Variants in RAB3C observed in about 807,000 individuals in gnomAD.
RAB3C encodes the protein ras-related protein Rab-3C.
Under a neutral mutation model 26.4 loss-of-function variants are expected in RAB3C, and 17 were observed. The observed-to-expected ratio is 0.64, with a 90% CI of 0.44 to 0.97. The LOEUF (loss-of-function observed/expected upper bound fraction) is 0.97, where lower values mean the gene tolerates loss of function less well. Ranked by LOEUF, RAB3C falls within the 50% of genes least tolerant of loss-of-function variation. The probability of loss-of-function intolerance (pLI) is 0.00; values close to 1 mark genes in which losing one functional copy is unlikely to be tolerated. For missense variants in RAB3C, 242 were observed against 281.9 expected (o/e 0.86, Z 1.01); for synonymous variants, 91 against 95.9 (o/e 0.95, Z 0.30).
At chr5:58,693,962 T>A (rs1748634507) in intron 2 of RAB3C, among the ~76,000 whole-genome samples, 1 of 152,204 alleles carries the variant, frequency 6.6e-6, no homozygotes, top group Admixed American at 6.5e-5. Flanking sequence ...CTTTAAGTTC[T>A]AGGGTACATG....
intron 2 of RAB3C, among the ~76,000 whole-genome samples, chr5:58,712,654 A>G (rs1456022216): frequency 2.0e-5 from 3 of 152,066 alleles, no homozygotes; most frequent in Non-Finnish European, 4.4e-5. Flanking sequence ...CCTCCCAAGT[A>G]GCTGGGATTA....
intron 2 of RAB3C, among the ~76,000 whole-genome samples, chr5:58,657,149 T>C (rs941828116): frequency 3.3e-5 from 5 of 152,222 alleles, no homozygotes; most frequent in East Asian, 1.9e-4. Flanking sequence ...AAACCAAACA[T>C]TGTATGTTCT....
At chr5:58,609,598 G>C (rs1746651919) in intron 1 of RAB3C, among the ~76,000 whole-genome samples, 1 of 152,130 alleles carries the variant, frequency 6.6e-6, no homozygotes, top group African/African-American at 2.4e-5. Flanking sequence ...AGCTACACAT[G>C]AGTTGGACAT....
intron 3 of RAB3C, chr5:58,822,942 A>T: frequency 1.6e-6 from 1 of 638,996 alleles, no homozygotes. Flanking sequence ...TTCACCTGCT[A>T]TTTGGATGTA....
chr5:58,667,415 G>A (rs973827398), intron 2 of RAB3C, among the ~76,000 whole-genome samples: 3 of 152,134 alleles, frequency 2.0e-5, no homozygotes, highest in African/African-American at 7.2e-5. Context: ...TAGTTGTAAG[G>A]CCTGGGTGTG....
At chr5:58,650,546 A>G (rs1305865423) in intron 2 of RAB3C, among the ~76,000 whole-genome samples, 5 of 152,192 alleles carry the variant, frequency 3.3e-5, no homozygotes, top group African/African-American at 1.2e-4. Flanking sequence ...TTTCTGATAC[A>G]TGTGATAATT....
intron 2 of RAB3C, among the ~76,000 whole-genome samples, chr5:58,711,782 G>C (rs931874119): frequency 6.6e-6 from 1 of 152,014 alleles, no homozygotes; most frequent in African/African-American, 2.4e-5. Flanking sequence ...ACAGATTGTG[G>C]ATCCTCCTCT....
chr5:58,839,343 T>TTTTTA (rs1270654671), intron 4 of RAB3C, among the ~76,000 whole-genome samples: 2 of 83,132 alleles, frequency 2.4e-5, no homozygotes, highest in Non-Finnish European at 5.4e-5. Flanking sequence ...TAATGATAAG[T>TTTTTA]TTTTATTTTA....
chr5:58,811,926 A>T (rs1282564938), intron 3 of RAB3C, among the ~76,000 whole-genome samples: 3 of 151,646 alleles, frequency 2.0e-5, no homozygotes, highest in Non-Finnish European at 2.9e-5. Context: ...TCAAGTACCC[A>T]TGGTCCTCTG....
intron 4 of RAB3C, chr5:58,847,087 A>C (rs1357951665): frequency 6.6e-6 from 1 of 152,076 alleles, no homozygotes; most frequent in African/African-American, 2.4e-5. Context: ...TGCCAAAGAG[A>C]TTAGAAAGGC....
intron 2 of RAB3C, among the ~76,000 whole-genome samples, chr5:58,677,717 G>C (rs887576432): frequency 6.6e-6 from 1 of 152,120 alleles, no homozygotes; most frequent in Non-Finnish European, 1.5e-5. Context: ...TTGTTTATTT[G>C]AACTGATAGC....
At chr5:58,627,865 C>A (rs1222165548) in intron 2 of RAB3C, among the ~76,000 whole-genome samples, 2 of 152,110 alleles carry the variant, frequency 1.3e-5, no homozygotes, top group Non-Finnish European at 2.9e-5. Context: ...AAAATGTTTA[C>A]AAAGCATCGG....
At chr5:58,655,941 C>T (rs911026933) in intron 2 of RAB3C, among the ~76,000 whole-genome samples, 1 of 151,932 alleles carries the variant, frequency 6.6e-6, no homozygotes, top group African/African-American at 2.4e-5. Context: ...GGACTACAGG[C>T]GCCCGCCACC....
At chr5:58,778,331 C>A (rs557844249) in intron 3 of RAB3C, among the ~76,000 whole-genome samples, 1 of 152,226 alleles carries the variant, frequency 6.6e-6, no homozygotes, top group Non-Finnish European at 1.5e-5. Context: ...ACCTCTTGGT[C>A]TAATCAGTTT....
At chr5:58,698,338 C>T (rs1170332204) in intron 2 of RAB3C, among the ~76,000 whole-genome samples, 1 of 152,198 alleles carries the variant, frequency 6.6e-6, no homozygotes, top group Non-Finnish European at 1.5e-5. Flanking sequence ...CCTGACCTTT[C>T]TCTCTGGCTG....
At chr5:58,638,875 T>C (rs1747347598) in intron 2 of RAB3C, among the ~76,000 whole-genome samples, 1 of 152,222 alleles carries the variant, frequency 6.6e-6, no homozygotes, top group Non-Finnish European at 1.5e-5. Flanking sequence ...TTCCTTGGCC[T>C]GCATCTGATG....
intron 2 of RAB3C, among the ~76,000 whole-genome samples, chr5:58,641,525 T>C (rs1301526410): frequency 6.6e-6 from 1 of 152,248 alleles, no homozygotes; most frequent in Non-Finnish European, 1.5e-5. Context: ...TCTCCATTTC[T>C]GATTTTTTCT....
chr5:58,618,066 T>G (rs200258147), intron 2 of RAB3C, among the ~76,000 whole-genome samples, 196 bp downstream of exon 2: 2,292 of 145,394 alleles, frequency 0.016, 50 homozygotes, highest in African/African-American at 0.054. Flanking sequence ...GAATTATTAT[T>G]ATGCCTTGTT....
intron 3 of RAB3C, among the ~76,000 whole-genome samples, chr5:58,771,837 CT>C (rs1359471269): frequency 6.8e-6 from 1 of 147,340 alleles, no homozygotes; most frequent in South Asian, 2.1e-4. Flanking sequence ...TTTCTTTTTT[CT>C]TTTTCTTTTT....
Sources: allele counts gnomAD v4.1 joint callset (sites outside exome capture counted in the v4.1 genomes callset), GRCh38; gene constraint gnomAD v4.1.1; transcripts MANE v1.5; gene names NCBI Gene and HGNC (gene_info 2026-07-23, HGNC 2026-07-21).